CA10: variants seen among roughly 807,000 people sequenced by gnomAD.
CA10 encodes carbonic anhydrase 10 (inactive).
In CA10, 14 loss-of-function variants were observed where a neutral mutation model predicts 44.2. The observed-to-expected ratio is 0.32, with a 90% CI of 0.21 to 0.50. The LOEUF is 0.50. CA10 is among the 20% of genes least tolerant of loss of function. The pLI, the probability that CA10 is intolerant of heterozygous loss-of-function variation, is 0.99. For synonymous variants in CA10, 159 were observed against 141.6 expected (o/e 1.12, Z -0.87); for missense variants, 350 against 409.7 (o/e 0.85, Z 1.26).
intron 3 of CA10, among the ~76,000 whole-genome samples, chr17:51,892,684 A>C (rs1980909170): frequency 6.6e-6 from 1 of 152,138 alleles, no homozygotes; most frequent in African/African-American, 2.4e-5. Flanking sequence ...GTGTGTTACT[A>C]TTCTGGCCAA....
chr17:52,120,185 C>T (rs555619821), intron 1 of CA10, among the ~76,000 whole-genome samples: 1 of 152,274 alleles, frequency 6.6e-6, no homozygotes, highest in East Asian at 1.9e-4. Context: ...CCTTACCCAT[C>T]CCTTTTTGTT....
chr17:51,682,540 G>T (rs951935571), intron 4 of CA10, among the ~76,000 whole-genome samples: 6 of 152,214 alleles, frequency 3.9e-5, no homozygotes, highest in African/African-American at 2.4e-5. Context: ...CCTGGATAAA[G>T]GTGAAAGGGG....
chr17:51,738,056 C>A (rs1239643467), intron 4 of CA10, among the ~76,000 whole-genome samples: 1 of 152,074 alleles, frequency 6.6e-6, no homozygotes, highest in Non-Finnish European at 1.5e-5. Context: ...TTTGGGGCAA[C>A]CATAAATCTA....
At chr17:51,872,129 C>T (rs975419809) in intron 3 of CA10, among the ~76,000 whole-genome samples, 14 of 152,182 alleles carry the variant, frequency 9.2e-5, no homozygotes, top group Non-Finnish European at 5.9e-5. Context: ...AAGGCAGTGG[C>T]TACACTTGGT....
chr17:51,684,072 G>A (rs1474923076), intron 4 of CA10, among the ~76,000 whole-genome samples: 1 of 152,208 alleles, frequency 6.6e-6, no homozygotes, highest in East Asian at 1.9e-4. Context: ...GAAGAAGGGG[G>A]AGATTATCCT....
intron 3 of CA10, among the ~76,000 whole-genome samples, chr17:51,803,013 A>G (rs1906995415): frequency 6.6e-6 from 1 of 152,004 alleles, no homozygotes; most frequent in Non-Finnish European, 1.5e-5. Flanking sequence ...ATGACAAGAC[A>G]CTCTTCTGGC....
intron 3 of CA10, among the ~76,000 whole-genome samples, chr17:51,886,430 A>T (rs980895595): frequency 6.6e-6 from 1 of 152,180 alleles, no homozygotes; most frequent in Non-Finnish European, 1.5e-5. Flanking sequence ...CCTGGGTCTC[A>T]TCTAAGATGC....
intron 4 of CA10, among the ~76,000 whole-genome samples, chr17:51,669,732 G>A (rs979204943): frequency 1.3e-5 from 2 of 152,118 alleles, no homozygotes; most frequent in Non-Finnish European, 2.9e-5. Context: ...GTAAGACCAC[G>A]AACCCACCAG....
At chr17:51,928,799 CT>C (rs1982532926) in intron 3 of CA10, among the ~76,000 whole-genome samples, 1 of 152,178 alleles carries the variant, frequency 6.6e-6, no homozygotes, top group Non-Finnish European at 1.5e-5. Context: ...AAGTTTCCAA[CT>C]CATTAAACAT....
At chr17:52,081,138 T>C (rs1391493417) in intron 1 of CA10, among the ~76,000 whole-genome samples, 1 of 151,942 alleles carries the variant, frequency 6.6e-6, no homozygotes, top group Non-Finnish European at 1.5e-5. Flanking sequence ...TTCAAATATA[T>C]AAGAAAAATT....
chr17:52,007,686 C>T (rs1325903591), intron 2 of CA10, among the ~76,000 whole-genome samples: 1 of 151,386 alleles, frequency 6.6e-6, no homozygotes, highest in Non-Finnish European at 1.5e-5. Flanking sequence ...ATGAGAATAG[C>T]TTATACTTTT....
At chr17:52,049,653 G>C (rs542825290) in intron 2 of CA10, among the ~76,000 whole-genome samples, 1 of 152,148 alleles carries the variant, frequency 6.6e-6, no homozygotes, top group East Asian at 1.9e-4. Flanking sequence ...CATTCACTCA[G>C]TGGCTATAAA....
chr17:51,864,957 G>A (rs1003009974), intron 3 of CA10, among the ~76,000 whole-genome samples: 2 of 152,280 alleles, frequency 1.3e-5, no homozygotes, highest in Non-Finnish European at 2.9e-5. Context: ...GTATGTGTCA[G>A]ATGTTGTGCT....
At chr17:51,801,813 G>T (rs148380003) in intron 3 of CA10, among the ~76,000 whole-genome samples, 6 of 152,324 alleles carry the variant, frequency 3.9e-5, no homozygotes, top group African/African-American at 1.4e-4. Flanking sequence ...ACACCAGGAA[G>T]TCTTTGATCA....
At position 52,032,225 on chromosome 17, in the gene CA10, C is replaced by T. The variant is rs1237858879; in HGVS notation, c.136+40094G>A. Among the ~76,000 whole-genome samples, 5 of 152,082 alleles carry T rather than the reference C, an allele frequency of 3.3e-5. No homozygotes were observed. The East Asian group carries it at 9.6e-4, about 29-fold the overall frequency. ...TAATATAGTGGGATGAACCATAATA[C>T]CTTACAGGAGCAGATGAACTAGTAT... On this transcript the variant is annotated intron_variant, in intron 2 of 8. Transcript: ENST00000451037.
intron 3 of CA10, among the ~76,000 whole-genome samples, chr17:51,917,853 G>A (rs551625182): frequency 6.6e-6 from 1 of 152,270 alleles, no homozygotes; most frequent in African/African-American, 2.4e-5. Context: ...CTATATTACT[G>A]TGGGATCAGG....
intron 2 of CA10, among the ~76,000 whole-genome samples, chr17:51,933,331 A>G (rs1982738413): frequency 6.6e-6 from 1 of 152,164 alleles, no homozygotes; most frequent in Non-Finnish European, 1.5e-5. Context: ...TAGGAGGGTC[A>G]GAGATATAAA....
chr17:51,644,408 T>G (rs1325895426), intron 6 of CA10, among the ~76,000 whole-genome samples: 4 of 152,202 alleles, frequency 2.6e-5, no homozygotes, highest in Non-Finnish European at 4.4e-5. Context: ...AGATTTGAGT[T>G]GCTCTTTCAA....
chr17:51,949,954 A>G (rs1433755713), intron 2 of CA10, among the ~76,000 whole-genome samples: 1 of 152,170 alleles, frequency 6.6e-6, no homozygotes, highest in Admixed American at 6.5e-5. Flanking sequence ...CAATGCCACC[A>G]TGTGAATATT....
Sources: allele counts gnomAD v4.1 joint callset (sites outside exome capture counted in the v4.1 genomes callset), GRCh38; gene constraint gnomAD v4.1.1; transcripts MANE v1.5; gene names NCBI Gene and HGNC (gene_info 2026-07-23, HGNC 2026-07-21).